INPP5A: variants seen among roughly 807,000 people sequenced by gnomAD.
INPP5A encodes the protein inositol polyphosphate-5-phosphatase A, also known as 43 kDa inositol polyphosphate 5-phophatase.
INPP5A carries 14 observed loss-of-function variants against 65.2 expected under a neutral mutation model. That is an observed-to-expected ratio of 0.21 (90% CI 0.14 to 0.34). The LOEUF is 0.34. Among genes scored for constraint, INPP5A ranks in the 10% least tolerant of loss-of-function variants. The pLI is 1.00. For synonymous variants in INPP5A, 207 were observed against 208.3 expected, an observed-to-expected ratio of 0.99 and a Z score of 0.05; for missense variants, 431 against 545.6, an observed-to-expected ratio of 0.79 and a Z score of 2.09.
chr10:132,564,408 A>G (rs1256123574), intron 1 of INPP5A, among the ~76,000 whole-genome samples: 1 of 151,980 alleles, frequency 6.6e-6, no homozygotes, highest in African/African-American at 2.4e-5. Flanking sequence ...GACCTGCTCA[A>G]TGGGTGAGTG....
chr10:132,548,967 A>G (rs2071016957), intron 1 of INPP5A, among the ~76,000 whole-genome samples: 1 of 151,478 alleles, frequency 6.6e-6, no homozygotes, highest in African/African-American at 2.4e-5. Flanking sequence ...GGCTTTTACA[A>G]TTTTTTGTAG....
chr10:132,756,295 AGT>A lies in INPP5A; in HGVS notation c.903+6458_903+6459del, dbSNP rs575786568. On this transcript the variant is annotated intron_variant, in intron 11 of 15. Transcript: ENST00000368594. ...GTACGCATGCGTGTGCATGTGCACTAGTGTGTGTGGTGTATGTGTGTATGCAT... is the reference window on the plus strand; with the variant it reads ...GTACGCATGCGTGTGCATGTGCACTAGTGTGTGGTGTATGTGTGTATGCAT... 7.2e-3 allele frequency among the ~76,000 whole-genome samples: 1,099 copies of A among 151,820 alleles called. 1 individual carries two copies. The highest frequency in any genetic ancestry group is 8.3e-3 in the South Asian group (40 of 4,794).
chr10:132,749,759 C>CT lies in INPP5A; in HGVS notation c.829-11dup. 6.2e-7 allele frequency: 1 copy of CT among 1,612,896 alleles called. No individual in the cohort carries two copies. Among genetic ancestry groups the CT allele is most frequent in the Non-Finnish European group, 8.5e-7 (1 of 1,179,836 alleles). On this transcript the variant is annotated splice_polypyrimidine_tract_variant and intron_variant, in intron 10 of 15. Transcript: ENST00000368594. ...GGAGCTCAGGTGCTCATGGGCCACT[C>CT]TGACTTCACAGGTTATGCTCCAGTT... is the stretch of plus-strand genomic sequence containing the variant.
rs41302997 is a variant in INPP5A, at chr10:132,749,696, C to T, written c.829-75C>T. On this transcript the variant is annotated intron_variant, in intron 10 of 15. Transcript: ENST00000368594. ...TTCCTTCAGAGCCGCCCTGCCTGCCCGGTTCGGTGGGGGCTAGGGGACACG... is the reference window on the plus strand; with the variant it reads ...TTCCTTCAGAGCCGCCCTGCCTGCCTGGTTCGGTGGGGGCTAGGGGACACG... 8.8e-3 allele frequency: 14,048 copies of T among 1,596,944 alleles called. 95 individuals are homozygous for T. The highest frequency in any genetic ancestry group is 0.02 in the Middle Eastern group (119 of 6,042).
At chr10:132,634,768 A>G (rs920179656) in intron 2 of INPP5A, among the ~76,000 whole-genome samples, 21 of 152,204 alleles carry the variant, frequency 1.4e-4, no homozygotes, top group Admixed American at 3.9e-4. Flanking sequence ...CCTTGGTCCA[A>G]TGAATGTTGC....
rs1266945389 is a variant in INPP5A at position 132,676,797 on chromosome 10, G to A, written c.307-13595G>A. On this transcript the variant is annotated intron_variant, in intron 4 of 15. Transcript: ENST00000368594. The surrounding 1 kb of genome is among the most constrained non-coding windows in gnomAD (Gnocchi z 4.0). ...CCCCACTGACTGCTGGCTCTCACCTGCTCCTGTCTCTCCACAGTAGTAGCC... is the reference window on the plus strand; with the variant it reads ...CCCCACTGACTGCTGGCTCTCACCTACTCCTGTCTCTCCACAGTAGTAGCC... Among the ~76,000 whole-genome samples, 2 of 152,164 alleles carry A rather than the reference G, an allele frequency of 1.3e-5. No homozygotes were observed. Among genetic ancestry groups the A allele is most frequent in the African/African-American group, 4.8e-5 (2 of 41,430 alleles).
chr10:132,714,589 C>A (rs541424051), intron 8 of INPP5A, among the ~76,000 whole-genome samples: 1 of 152,300 alleles, frequency 6.6e-6, no homozygotes, highest in South Asian at 2.1e-4. Context: ...GCGGGGCCGG[C>A]AGCACCAGGC....
At chr10:132,701,371 A>G (rs1431922178) in intron 6 of INPP5A, among the ~76,000 whole-genome samples, 2 of 152,208 alleles carry the variant, frequency 1.3e-5, no homozygotes, top group Non-Finnish European at 2.9e-5. Flanking sequence ...TCCCATCTGC[A>G]GGCTCCTGAG....
intron 12 of INPP5A, among the ~76,000 whole-genome samples, chr10:132,766,064 CTGTG>C (rs370654880): frequency 1.8e-4 from 27 of 152,186 alleles, no homozygotes; most frequent in African/African-American, 5.5e-4. Flanking sequence ...ACGTATGCGT[CTGTG>C]TGTGTGCACA....
At chr10:132,598,515 G>A (rs568128180) in intron 1 of INPP5A, among the ~76,000 whole-genome samples, 1 of 152,246 alleles carries the variant, frequency 6.6e-6, no homozygotes. Context: ...TTTGTGTTTG[G>A]CTTATTTTCC....
intron 4 of INPP5A, among the ~76,000 whole-genome samples, chr10:132,688,400 G>T (rs1041734202): frequency 3.3e-5 from 5 of 152,228 alleles, no homozygotes; most frequent in African/African-American, 1.2e-4. Context: ...GAACTGCAGA[G>T]CCTGAAGTGT....
At chr10:132,722,252 A>C (rs186681363) in intron 8 of INPP5A, among the ~76,000 whole-genome samples, 381 of 152,304 alleles carry the variant, frequency 2.5e-3, no homozygotes, top group Admixed American at 7.8e-3. Flanking sequence ...ACAGTGCCAA[A>C]GGTTTCAGCT....
chr10:132,694,342 C>G (rs1845313860), intron 5 of INPP5A, among the ~76,000 whole-genome samples: 1 of 152,106 alleles, frequency 6.6e-6, no homozygotes, highest in South Asian at 2.1e-4. Context: ...AACGTAAATA[C>G]AGCTTAACAT....
At chr10:132,539,166 C>T (rs945558081) in intron 1 of INPP5A, among the ~76,000 whole-genome samples, 4 of 152,228 alleles carry the variant, frequency 2.6e-5, no homozygotes, top group African/African-American at 9.6e-5. Flanking sequence ...GACTCCCACC[C>T]CTGGCCCCTG....
At position 132,782,035 on chromosome 10, in the gene INPP5A, A is replaced by C; in HGVS notation, c.*8-2A>C. 6.3e-7 allele frequency: 1 copy of C among 1,598,172 alleles called. No individual in the cohort carries two copies. The highest frequency in any genetic ancestry group is 8.5e-7 in the Non-Finnish European group (1 of 1,170,978). ...TTTAACAAATTACGAATTCCGTGAC[A>C]GGGAAGAGATGCCAGCGCCACGAGA... On this transcript the variant is annotated splice_acceptor_variant, in intron 15 of 15. Coordinates refer to ENST00000368594, the MANE Select transcript of INPP5A (RefSeq NM_005539.5). LOFTEE classifies it low-confidence loss of function (3UTR_SPLICE). The surrounding 1 kb of genome is among the most constrained non-coding windows in gnomAD (Gnocchi z 4.4).
At position 132,553,020 on chromosome 10, in the gene INPP5A, T is replaced by C. The variant is rs188375451; in HGVS notation, c.75+14849T>C. On this transcript the variant is annotated intron_variant, in intron 1 of 15. Coordinates refer to ENST00000368594, the MANE Select transcript of INPP5A (RefSeq NM_005539.5). The stretch of plus-strand genomic sequence containing the variant: ...CCTTGGTGTGGAATATTGGGTAGGA[T>C]AGGGAGGGAGGATTGGTGAACGCCT... Among the ~76,000 whole-genome samples, 501 of 110,972 alleles carry C rather than the reference T, an allele frequency of 4.5e-3. 4 individuals carry two copies. Among genetic ancestry groups the C allele is most frequent in the Middle Eastern group, 7.4e-3 (1 of 136 alleles). 72.8% of individuals were successfully genotyped at this position (110,972 alleles called of 152,430 possible).
intron 12 of INPP5A, among the ~76,000 whole-genome samples, chr10:132,771,754 A>G (rs2490655): frequency 0.078 from 1,711 of 21,870 alleles, 11 homozygotes; most frequent in African/African-American, 0.12. Flanking sequence ...CAGAGGCCAC[A>G]GCAGCCACCC....
intron 2 of INPP5A, among the ~76,000 whole-genome samples, chr10:132,621,435 A>G (rs1292329675): frequency 1.3e-5 from 2 of 152,084 alleles, no homozygotes; most frequent in East Asian, 3.9e-4. Context: ...GATTTTATCT[A>G]TTTTAGGGAG....
At chr10:132,731,948 C>G (rs1392832075) in intron 9 of INPP5A, among the ~76,000 whole-genome samples, 2 of 152,246 alleles carry the variant, frequency 1.3e-5, no homozygotes, top group Non-Finnish European at 2.9e-5. Flanking sequence ...GAGCCCCTGT[C>G]TAAATGGCAC....
Sources: gnomAD v4.1 joint callset for allele counts (sites outside exome capture counted in the v4.1 genomes callset) on GRCh38, gnomAD v4.1.1 for gene constraint, Gnocchi (gnomAD v3.1) non-coding constraint, MANE v1.5 for transcripts, NCBI Gene and HGNC (gene_info 2026-07-23, HGNC 2026-07-21) for gene names.